Variants in CHRNB3 observed in about 807,000 individuals in gnomAD.
The protein encoded by CHRNB3 is cholinergic receptor nicotinic beta 3 subunit.
In CHRNB3, 37 loss-of-function variants were observed where a neutral mutation model predicts 40.6. The observed-to-expected ratio is 0.91, with a 90% CI of 0.70 to 1.20. CHRNB3 has a LOEUF of 1.20. Among genes scored for constraint, CHRNB3 ranks in the 50% most tolerant of loss-of-function variants. The pLI is 0.00. For missense variants in CHRNB3, 505 were observed against 551.2 expected (o/e 0.92, Z 0.84); for synonymous variants, 207 against 207.1 (o/e 1.00, Z 0.00).
At chr8:42,726,271 G>T in intron 3 of CHRNB3, 1 of 638,832 alleles carries the variant, frequency 1.6e-6, no homozygotes, top group South Asian at 1.9e-5. Flanking sequence ...ATTAAGGCAA[G>T]GAAAAGCAGT....
intron 1 of CHRNB3, among the ~76,000 whole-genome samples, chr8:42,703,438 ATTTATATATAT>A (rs1815859999): frequency 1.4e-5 from 1 of 69,124 alleles, no homozygotes; most frequent in East Asian, 5.2e-4. Flanking sequence ...AAAAAAAAAT[ATTTATATATAT>A]ATATATATAT....
rs150138453 is a variant in CHRNB3, at chr8:42,725,938, C to T, written c.250-4656C>T. 1.3e-3 allele frequency: 1,264 copies of T among 943,742 alleles called. 21 individuals carry two copies. The African/African-American group carries it at 0.019, about 14-fold the overall frequency. The allele number at this position is 943,742 out of a possible 1,614,324, so 58.5% of individuals were successfully genotyped here. ...GGTTCTCTGCACCAGTAAACTCACG[C>T]CATCAATCCTTTCGATGCGTACAAC... is the stretch of plus-strand genomic sequence containing the variant. On this transcript the variant is annotated intron_variant, in intron 3 of 5. Coordinates refer to ENST00000289957, the MANE Select transcript of CHRNB3 (RefSeq NM_000749.5).
intron 1 of CHRNB3, among the ~76,000 whole-genome samples, chr8:42,706,304 T>C (rs1283143079): frequency 1.3e-5 from 2 of 151,988 alleles, no homozygotes; most frequent in African/African-American, 4.8e-5. Context: ...TAGGGCCATA[T>C]GGGGTCAGGG....
intron 3 of CHRNB3, among the ~76,000 whole-genome samples, chr8:42,718,672 CAAAAAAAAAAAAAA>C (rs59911208): frequency 4.8e-5 from 4 of 82,746 alleles, no homozygotes; most frequent in African/African-American, 1.5e-4. Flanking sequence ...GACTCTGTCT[CAAAAAAAAAAAAAA>C]AAAAAAAAAA....
chr8:42,731,453 G>A (rs1428069066), intron 4 of CHRNB3, among the ~76,000 whole-genome samples: 2 of 152,156 alleles, frequency 1.3e-5, no homozygotes, highest in Non-Finnish European at 2.9e-5. Context: ...TACTCAGGAG[G>A]CTGAAGCAGG....
intron 4 of CHRNB3, among the ~76,000 whole-genome samples, 171 bp downstream of exon 4, chr8:42,730,874 C>T (rs1816401847): frequency 7.2e-6 from 1 of 138,290 alleles, no homozygotes; most frequent in Non-Finnish European, 1.6e-5. Context: ...AGGTGAAACC[C>T]CGTCTCTACT....
chr8:42,711,159 G>C (rs1445904051), intron 3 of CHRNB3, among the ~76,000 whole-genome samples: 1 of 151,902 alleles, frequency 6.6e-6, no homozygotes, highest in African/African-American at 2.4e-5. Context: ...AGAAAATATT[G>C]ACATTTGATA....
chr8:42,701,073 CA>C (rs1235186789), intron 1 of CHRNB3, among the ~76,000 whole-genome samples: 1 of 151,582 alleles, frequency 6.6e-6, no homozygotes, highest in Admixed American at 6.6e-5. Flanking sequence ...ACTAAAAACA[CA>C]AAAATTAGCT....
chr8:42,709,773 A>T (rs1293649937), intron 2 of CHRNB3, among the ~76,000 whole-genome samples: 1 of 152,196 alleles, frequency 6.6e-6, no homozygotes, highest in Non-Finnish European at 1.5e-5. Context: ...CTGGGATTAC[A>T]GGCATGTGCC....
At chr8:42,715,976 C>CCTTTTTTT (rs1554590400) in intron 3 of CHRNB3, among the ~76,000 whole-genome samples, 3 of 124,176 alleles carry the variant, frequency 2.4e-5, no homozygotes, top group African/African-American at 2.9e-5. Context: ...TTAAACTGAC[C>CCTTTTTTT]TTTTTTTTTT....
chr8:42,699,861 G>A (rs1474812617), intron 1 of CHRNB3, among the ~76,000 whole-genome samples: 1 of 149,472 alleles, frequency 6.7e-6, no homozygotes, highest in Non-Finnish European at 1.5e-5. Flanking sequence ...TGACGGAAGA[G>A]GCTGCCATAT....
intron 3 of CHRNB3, among the ~76,000 whole-genome samples, chr8:42,729,371 C>A (rs1254752292): frequency 6.6e-6 from 1 of 152,124 alleles, no homozygotes; most frequent in Non-Finnish European, 1.5e-5. Context: ...GATCACACCA[C>A]TGCACTCCAG....
chr8:42,703,435 A>AAAAAATATATATATATATATATAT lies in CHRNB3; in HGVS notation c.53-5281_53-5280insAAAATATATATATATATATATATA. Among the ~76,000 whole-genome samples the AAAAAATATATATATATATATATAT allele has an allele frequency of 7.8e-4, 37 of 47,376 alleles. 1 individual carries two copies. Among genetic ancestry groups the AAAAAATATATATATATATATATAT allele is most frequent in the Non-Finnish European group, 1.1e-3 (23 of 21,524 alleles). 31.1% of individuals were successfully genotyped at this position (47,376 alleles called of 152,430 possible). On this transcript the variant is annotated intron_variant, in intron 1 of 5. Coordinates refer to ENST00000289957, the MANE Select transcript of CHRNB3 (RefSeq NM_000749.5). The stretch of plus-strand genomic sequence containing the variant: ...CAAGACTTCGTCTAAAAAAAAAAAA[A>AAAAAATATATATATATATATATAT]ATATTTATATATATATATATATATA...
Position 42,697,457 on chromosome 8 carries a change from C to A in CHRNB3, c.-90C>A. 1 of 1,118,348 alleles carries A rather than the reference C, an allele frequency of 8.9e-7. No homozygotes were observed. Among genetic ancestry groups the A allele is most frequent in the African/African-American group, 1.5e-5 (1 of 65,308 alleles). 69.3% of individuals were successfully genotyped at this position (1,118,348 alleles called of 1,614,324 possible). A position where few individuals can be genotyped will look rare whatever the true frequency, so the allele number is the denominator to read the frequency against. On this transcript the variant is annotated 5_prime_UTR_variant, in exon 1 of 6. Transcript: ENST00000289957. ...TTGGGTTCCACTTCGGATTTTGAAC[C>A]CCTGTATTTTCTTTTCAAAACCCCC...
intron 3 of CHRNB3, among the ~76,000 whole-genome samples, chr8:42,721,232 G>T (rs952542975): frequency 3.9e-5 from 6 of 152,204 alleles, no homozygotes; most frequent in Admixed American, 3.9e-4. Context: ...AGCAAAAAGA[G>T]AACTTATTAG....
chr8:42,728,715 A>C (rs1469569432), intron 3 of CHRNB3, among the ~76,000 whole-genome samples: 1 of 152,134 alleles, frequency 6.6e-6, no homozygotes, highest in Admixed American at 6.5e-5. Flanking sequence ...GTTGATTACA[A>C]AAGGGCAGCA....
chr8:42,732,489 AGCT>A lies in CHRNB3; in HGVS notation c.1187_1189del (p.Ala396del), dbSNP rs1424683609. Reference sequence around the variant, plus strand: ...AAGTTCTAGTTGCTTTTTTGGAAAAAGCTGCTGATTCCATTAGATACATTTCGA... The same window carrying A: ...AAGTTCTAGTTGCTTTTTTGGAAAAAGCTGATTCCATTAGATACATTTCGA... On this transcript the variant is annotated inframe_deletion, in exon 5 of 6. Transcript: ENST00000289957. 4.3e-6 allele frequency: 7 copies of A among 1,611,352 alleles called. No individual in the cohort carries two copies. In the African/African-American group the frequency reaches 8.0e-5, roughly 19 times the overall value.
chr8:42,706,509 G>A (rs776291092), intron 1 of CHRNB3, among the ~76,000 whole-genome samples: 3 of 152,136 alleles, frequency 2.0e-5, no homozygotes, highest in Non-Finnish European at 4.4e-5. Flanking sequence ...TGGCCCCGGT[G>A]GAGACAGTGG....
At chr8:42,727,771 G>A (rs982651731) in intron 3 of CHRNB3, among the ~76,000 whole-genome samples, 1 of 152,076 alleles carries the variant, frequency 6.6e-6, no homozygotes, top group African/African-American at 2.4e-5. Flanking sequence ...CCTGAGCCAG[G>A]GGAATCGCTT....
Sources: allele counts gnomAD v4.1 joint callset (sites outside exome capture counted in the v4.1 genomes callset), GRCh38; gene constraint gnomAD v4.1.1; transcripts MANE v1.5; gene names NCBI Gene and HGNC (gene_info 2026-07-23, HGNC 2026-07-21).